NR2F1-AS1: variants seen among roughly 807,000 people sequenced by gnomAD.
NR2F1-AS1 encodes the protein NR2F1 regulatory antisense RNA 1.
intron 1 of NR2F1-AS1, among the ~76,000 whole-genome samples, chr5:93,565,801 A>C (rs1264578417): frequency 2.6e-5 from 4 of 151,844 alleles, no homozygotes; most frequent in African/African-American, 9.7e-5. Flanking sequence ...GTGTCCCCCA[A>C]CATAAGAAAA....
intron 4 of NR2F1-AS1, among the ~76,000 whole-genome samples, chr5:93,449,269 GCCATCATAAAGTAGA>G (rs1213732552): frequency 6.6e-6 from 1 of 152,060 alleles, no homozygotes; most frequent in East Asian, 1.9e-4. Flanking sequence ...TTTTCTTGAA[GCCATCATAAAGTAGA>G]CCATATCAAA....
At chr5:93,457,740 T>C (rs1749983613) in intron 4 of NR2F1-AS1, among the ~76,000 whole-genome samples, 1 of 151,842 alleles carries the variant, frequency 6.6e-6, no homozygotes, top group African/African-American at 2.4e-5. Flanking sequence ...CTTTGTGTTC[T>C]CTAGGCTTTT....
At chr5:93,516,378 G>A (rs1580294592) in intron 4 of NR2F1-AS1, among the ~76,000 whole-genome samples, 3 of 151,912 alleles carry the variant, frequency 2.0e-5, no homozygotes, top group Admixed American at 2.0e-4. Context: ...CTAATAAAGA[G>A]TATGGTTGAT....
chr5:93,469,396 G>T (rs1202227234), intron 4 of NR2F1-AS1, among the ~76,000 whole-genome samples: 1 of 151,928 alleles, frequency 6.6e-6, no homozygotes, highest in East Asian at 1.9e-4. Flanking sequence ...TAATCTTATG[G>T]GACCACCATC....
chr5:93,435,627 C>G (rs1486518033), intron 4 of NR2F1-AS1, among the ~76,000 whole-genome samples: 1 of 152,196 alleles, frequency 6.6e-6, no homozygotes, highest in Non-Finnish European at 1.5e-5. Flanking sequence ...TTGGCACCCA[C>G]CATACCCTCT....
intron 4 of NR2F1-AS1, among the ~76,000 whole-genome samples, chr5:93,422,945 C>T (rs780220644): frequency 1.6e-4 from 24 of 152,170 alleles, no homozygotes; most frequent in Non-Finnish European, 2.9e-5. Context: ...ACCCCAGCGG[C>T]TGGCAAAATT....
intron 2 of NR2F1-AS1, among the ~76,000 whole-genome samples, chr5:93,555,697 C>T (rs1462573244): frequency 6.6e-6 from 1 of 152,164 alleles, no homozygotes; most frequent in Non-Finnish European, 1.5e-5. Context: ...GGTGACCCAA[C>T]TCATCACCAA....
At chr5:93,532,001 A>G (rs1373718808) in intron 4 of NR2F1-AS1, among the ~76,000 whole-genome samples, 6 of 152,162 alleles carry the variant, frequency 3.9e-5, no homozygotes, top group African/African-American at 1.2e-4. Context: ...TTTTTTCTTC[A>G]TAAGTGTGTG....
chr5:93,442,300 G>T (rs1749589486), intron 4 of NR2F1-AS1, among the ~76,000 whole-genome samples: 1 of 152,180 alleles, frequency 6.6e-6, no homozygotes, highest in Non-Finnish European at 1.5e-5. Flanking sequence ...GCCAAGGGAA[G>T]CCATGACAGA....
intron 4 of NR2F1-AS1, among the ~76,000 whole-genome samples, chr5:93,414,605 C>A (rs1480574637): frequency 2.0e-5 from 3 of 152,016 alleles, no homozygotes; most frequent in African/African-American, 7.2e-5. Context: ...GGCAAGGGCT[C>A]CTGAACCAAT....
At chr5:93,526,683 T>A (rs1751624577) in intron 4 of NR2F1-AS1, among the ~76,000 whole-genome samples, 1 of 152,204 alleles carries the variant, frequency 6.6e-6, no homozygotes, top group Non-Finnish European at 1.5e-5. Context: ...GATGCAAGGC[T>A]GGTTCAACAT....
chr5:93,463,261 G>C (rs759411685), intron 4 of NR2F1-AS1, among the ~76,000 whole-genome samples: 3 of 152,230 alleles, frequency 2.0e-5, no homozygotes, highest in Non-Finnish European at 2.9e-5. Flanking sequence ...CATGGCTTCA[G>C]AGGGTGAAAG....
intron 2 of NR2F1-AS1, among the ~76,000 whole-genome samples, chr5:93,560,575 A>G (rs1425248081): frequency 6.6e-6 from 1 of 152,338 alleles, no homozygotes; most frequent in Admixed American, 6.5e-5. Context: ...ATTTAGAGTC[A>G]TATGAATTTA....
intron 1 of NR2F1-AS1, among the ~76,000 whole-genome samples, chr5:93,578,122 A>T (rs1025124333): frequency 2.6e-5 from 4 of 152,084 alleles, no homozygotes; most frequent in African/African-American, 9.7e-5. Flanking sequence ...ATGGAGGGAG[A>T]GGATATGTTA....
intron 4 of NR2F1-AS1, among the ~76,000 whole-genome samples, chr5:93,534,782 T>C (rs1751805628): frequency 6.6e-6 from 1 of 152,122 alleles, no homozygotes; most frequent in African/African-American, 2.4e-5. Flanking sequence ...AAAATCTGAT[T>C]TAAAAACCTC....
At chr5:93,547,424 C>T (rs1752114290) in intron 4 of NR2F1-AS1, among the ~76,000 whole-genome samples, 1 of 152,144 alleles carries the variant, frequency 6.6e-6, no homozygotes, top group Admixed American at 6.5e-5. Flanking sequence ...GTCCATGTCC[C>T]TTGAATCTCT....
intron 4 of NR2F1-AS1, among the ~76,000 whole-genome samples, chr5:93,412,141 T>C (rs1008293810): frequency 6.6e-6 from 1 of 152,216 alleles, no homozygotes; most frequent in African/African-American, 2.4e-5. Context: ...AAGACAGGCA[T>C]CTTTACAAGA....
intron 2 of NR2F1-AS1, among the ~76,000 whole-genome samples, chr5:93,556,698 G>A (rs558061369): frequency 2.6e-5 from 4 of 152,248 alleles, no homozygotes; most frequent in African/African-American, 9.6e-5. Flanking sequence ...GTGATAGACT[G>A]TAAGCCACAA....
chr5:93,567,057 GTTCTAT>G (rs199501516), intron 1 of NR2F1-AS1, among the ~76,000 whole-genome samples: 3,764 of 152,030 alleles, frequency 0.025, 77 homozygotes, highest in South Asian at 0.054. Flanking sequence ...TCTTTAAACA[GTTCTAT>G]TTCTATCATC....
Sources: gnomAD v4.1 joint callset for allele counts (sites outside exome capture counted in the v4.1 genomes callset) on GRCh38, gnomAD v4.1.1 for gene constraint, MANE v1.5 for transcripts, NCBI Gene and HGNC (gene_info 2026-07-23, HGNC 2026-07-21) for gene names.